Variants in ARHGAP10 observed in about 807,000 individuals in gnomAD.
ARHGAP10 encodes the protein Rho GTPase activating protein 10.
ARHGAP10 carries 87 observed loss-of-function variants against 108.6 expected under a neutral mutation model. The ratio of observed to expected loss-of-function variants is 0.80; its 90% CI spans 0.67 to 0.96. ARHGAP10 has a LOEUF of 0.96. Among genes scored for constraint, ARHGAP10 ranks in the 40% least tolerant of loss-of-function variants. The probability of loss-of-function intolerance (pLI) is 0.00; values close to 1 mark genes in which losing one functional copy is unlikely to be tolerated. For missense variants in ARHGAP10, 939 were observed against 954.5 expected (o/e 0.98, Z 0.21); for synonymous variants, 347 against 341.1 (o/e 1.02, Z -0.19).
intron 3 of ARHGAP10, among the ~76,000 whole-genome samples, chr4:147,828,680 C>T (rs1732819886): frequency 1.3e-5 from 2 of 152,114 alleles, no homozygotes; most frequent in African/African-American, 4.8e-5. Flanking sequence ...GTTGAAATTT[C>T]GAAAAGAGGG....
intron 12 of ARHGAP10, among the ~76,000 whole-genome samples, chr4:147,911,993 A>ATATATG (rs1560822641): frequency 4.2e-4 from 46 of 108,684 alleles, no homozygotes; most frequent in East Asian, 3.1e-3. Flanking sequence ...AAGAACATTC[A>ATATATG]CGTGTGTGTG....
intron 1 of ARHGAP10, among the ~76,000 whole-genome samples, chr4:147,774,567 T>G (rs1429806772): frequency 6.6e-6 from 1 of 152,234 alleles, no homozygotes; most frequent in East Asian, 1.9e-4. Flanking sequence ...TTTACTTATT[T>G]ATTATAACCT....
At chr4:148,021,384 T>A (rs1209301525) in intron 18 of ARHGAP10, among the ~76,000 whole-genome samples, 2 of 152,230 alleles carry the variant, frequency 1.3e-5, no homozygotes, top group African/African-American at 4.8e-5. Context: ...TGGAAGGTTT[T>A]CATCTGTCCA....
intron 13 of ARHGAP10, among the ~76,000 whole-genome samples, chr4:147,936,314 T>C (rs1578708775): frequency 1.0e-5 from 1 of 96,272 alleles, no homozygotes. Context: ...CTCCTTTTCC[T>C]CTCTTTTTTT....
intron 1 of ARHGAP10, among the ~76,000 whole-genome samples, chr4:147,747,071 C>T (rs1259036658): frequency 5.9e-5 from 9 of 152,000 alleles, no homozygotes; most frequent in South Asian, 2.1e-4. Flanking sequence ...AAACAACCCT[C>T]ATGATACCCA....
intron 20 of ARHGAP10, 111 bp from the exon 21 acceptor site, chr4:148,063,037 C>G (rs1449309697): frequency 7.5e-7 from 1 of 1,336,656 alleles, no homozygotes; most frequent in African/African-American, 1.4e-5. Flanking sequence ...CCCTACTGGT[C>G]AGGCATGATA....
At chr4:148,054,236 G>A (rs960468042) in intron 20 of ARHGAP10, among the ~76,000 whole-genome samples, 9 of 152,230 alleles carry the variant, frequency 5.9e-5, no homozygotes, top group Non-Finnish European at 5.9e-5. Flanking sequence ...ATTTCAAACA[G>A]GCCTGGCCTT....
At chr4:147,852,650 T>C (rs1295351600) in intron 4 of ARHGAP10, among the ~76,000 whole-genome samples, 2 of 151,640 alleles carry the variant, frequency 1.3e-5, no homozygotes, top group African/African-American at 4.8e-5. Context: ...CATGGGCCGA[T>C]TGACGTAAAC....
In ARHGAP10 at chr4:147,954,942, A is replaced by G. The variant is rs553485972; in HGVS notation, c.1392-374A>G. Among the ~76,000 whole-genome samples, 60 of 152,142 alleles carry G rather than the reference A, an allele frequency of 3.9e-4. 1 individual carries two copies. Among genetic ancestry groups the G allele is most frequent in the African/African-American group, 1.3e-3 (53 of 41,564 alleles). On this transcript the variant is annotated intron_variant, in intron 15 of 22. Transcript: ENST00000336498. Reference sequence around the variant, plus strand: ...GGAATCTTCAGCTAATATCTTAGAGATGAAGTTTCAAAATTGTTTGCTTAC... The same window carrying G: ...GGAATCTTCAGCTAATATCTTAGAGGTGAAGTTTCAAAATTGTTTGCTTAC...
intron 20 of ARHGAP10, among the ~76,000 whole-genome samples, chr4:148,048,487 A>AG (rs1303425947): frequency 2.6e-5 from 4 of 152,362 alleles, no homozygotes; most frequent in African/African-American, 9.6e-5. Context: ...CTACATTACT[A>AG]GGTATGCTTG....
chr4:147,791,521 C>CGT (rs200235578), intron 1 of ARHGAP10, among the ~76,000 whole-genome samples: 5 of 151,724 alleles, frequency 3.3e-5, no homozygotes, highest in East Asian at 3.9e-4. Context: ...ATGGTTATTC[C>CGT]GTGTGTGTGT....
intron 4 of ARHGAP10, among the ~76,000 whole-genome samples, chr4:147,849,993 T>C (rs527407064): frequency 6.6e-6 from 1 of 152,304 alleles, no homozygotes; most frequent in Admixed American, 6.5e-5. Context: ...TCTGTCTAGC[T>C]AAAGGATTGT....
intron 15 of ARHGAP10, among the ~76,000 whole-genome samples, chr4:147,952,066 A>G (rs1198385373): frequency 6.6e-6 from 1 of 152,200 alleles, no homozygotes; most frequent in Admixed American, 6.5e-5. Flanking sequence ...AGATTCTTCT[A>G]TGTTGTAGCA....
intron 1 of ARHGAP10, among the ~76,000 whole-genome samples, chr4:147,751,748 C>T (rs893201718): frequency 2.7e-4 from 41 of 151,988 alleles, no homozygotes; most frequent in African/African-American, 9.9e-4. Flanking sequence ...TCACAGCAGT[C>T]CTCTGATAGT....
rs1246481530 is a variant in ARHGAP10 at position 147,853,811 on chromosome 4, T to G, written c.385-3742T>G. Among the ~76,000 whole-genome samples, 3 of 152,156 alleles carry G rather than the reference T, an allele frequency of 2.0e-5. No homozygotes were observed. The East Asian group carries it at 5.8e-4, about 29-fold the overall frequency. ...TTTTGCTTAGAAGATCCTTCTCTAT[T>G]CTGAGATTTGTTGAAAATACTCTCT... On this transcript the variant is annotated intron_variant, in intron 4 of 22. Transcript: ENST00000336498.
chr4:147,737,709 G>A (rs1187544916), intron 1 of ARHGAP10, among the ~76,000 whole-genome samples: 1 of 152,178 alleles, frequency 6.6e-6, no homozygotes, highest in Non-Finnish European at 1.5e-5. Flanking sequence ...TACAGTGGCT[G>A]GTCTCCAGTG....
intron 1 of ARHGAP10, among the ~76,000 whole-genome samples, chr4:147,802,145 T>C (rs879838488): frequency 2.6e-5 from 4 of 152,238 alleles, no homozygotes; most frequent in Non-Finnish European, 5.9e-5. Flanking sequence ...TATGGACTTA[T>C]TCCTTTTGCT....
chr4:147,953,532 A>G (rs113267149), intron 15 of ARHGAP10, among the ~76,000 whole-genome samples: 1 of 151,990 alleles, frequency 6.6e-6, no homozygotes, highest in African/African-American at 2.4e-5. Flanking sequence ...TGTTGAATTT[A>G]TGGGCATAAA....
chr4:147,796,657 C>T (rs943942183), intron 1 of ARHGAP10, among the ~76,000 whole-genome samples: 15 of 152,190 alleles, frequency 9.9e-5, no homozygotes, highest in African/African-American at 3.6e-4. Context: ...TCCCGAGTAG[C>T]TGGGATCACA....
Sources: allele counts gnomAD v4.1 joint callset (sites outside exome capture counted in the v4.1 genomes callset), GRCh38; gene constraint gnomAD v4.1.1; transcripts MANE v1.5; gene names NCBI Gene and HGNC (gene_info 2026-07-23, HGNC 2026-07-21).